Variants in CEPT1 observed in about 807,000 individuals in gnomAD.
CEPT1 encodes choline/ethanolaminephosphotransferase 1.
CEPT1 carries 7 observed loss-of-function variants against 42.6 expected under a neutral mutation model. The observed-to-expected ratio is 0.16, with a 90% CI of 0.09 to 0.31. The LOEUF (loss-of-function observed/expected upper bound fraction) is 0.31. CEPT1 is among the 10% of genes least tolerant of loss of function. CEPT1 has a pLI of 1.00. For missense variants in CEPT1, 306 were observed against 502.1 expected (o/e 0.61, Z 3.73); for synonymous variants, 171 against 171.9 (o/e 0.99, Z 0.04).
At chr1:111,158,324 A>C (rs1655680945) in intron 2 of CEPT1, among the ~76,000 whole-genome samples, 2 of 152,314 alleles carry the variant, frequency 1.3e-5, no homozygotes, top group South Asian at 2.1e-4. Flanking sequence ...CTGCACTCCC[A>C]GCCTGGGTGA....
intron 2 of CEPT1, among the ~76,000 whole-genome samples, chr1:111,150,606 A>G (rs1008979687): frequency 1.3e-5 from 2 of 152,146 alleles, no homozygotes; most frequent in African/African-American, 4.8e-5. Flanking sequence ...CTACATGTAT[A>G]GTATTACGAA....
At chr1:111,183,366 T>C (rs991376949) in intron 7 of CEPT1, 96 bp from the exon 8 acceptor site, 1 of 1,356,700 alleles carries the variant, frequency 7.4e-7, no homozygotes, top group African/African-American at 1.5e-5. Flanking sequence ...TCCTAAATAA[T>C]TATTGGAAGT....
chr1:111,151,224 A>C (rs983043115), intron 2 of CEPT1, among the ~76,000 whole-genome samples: 5 of 150,960 alleles, frequency 3.3e-5, no homozygotes, highest in African/African-American at 1.2e-4. Flanking sequence ...TCCCTGGTTC[A>C]AGCGATTTCT....
intron 3 of CEPT1, chr1:111,160,408 C>T (rs1479888171): frequency 1.3e-5 from 2 of 152,144 alleles, no homozygotes; most frequent in East Asian, 3.9e-4. Context: ...AACAAAAACC[C>T]CTTATAGTTT....
At chr1:111,175,057 G>A in intron 5 of CEPT1, 94 bp downstream of exon 5, 2 of 804,256 alleles carry the variant, frequency 2.5e-6, no homozygotes, top group Non-Finnish European at 4.3e-6. Context: ...GGTAATGTGT[G>A]AAATTCTTTT....
chr1:111,143,572 G>A (rs1016950786), intron 1 of CEPT1: 3 of 152,070 alleles, frequency 2.0e-5, no homozygotes, highest in Non-Finnish European at 4.4e-5. Flanking sequence ...TAACTGTTAA[G>A]ACTGGTGGCT....
chr1:111,151,186 G>A lies in CEPT1; in HGVS notation c.339+3133G>A, dbSNP rs533780006. ...TGTTGCCAGGCTGGAGTGCAGTGGCGCAGTCTCGGTTCACTGCAACCTCCA... is the reference window on the plus strand; with the variant it reads ...TGTTGCCAGGCTGGAGTGCAGTGGCACAGTCTCGGTTCACTGCAACCTCCA... On this transcript the variant is annotated intron_variant, in intron 2 of 8. Coordinates refer to ENST00000357172, the MANE Select transcript of CEPT1 (RefSeq NM_006090.5). 9.5e-4 allele frequency among the ~76,000 whole-genome samples: 143 copies of A among 150,698 alleles called. 1 individual carries two copies. The highest frequency in any genetic ancestry group is 8.6e-4 in the Non-Finnish European group (58 of 67,734).
At chr1:111,167,603 T>G (rs1387759301) in intron 4 of CEPT1, 1 of 977,112 alleles carries the variant, frequency 1.0e-6, no homozygotes, top group Non-Finnish European at 1.2e-6. Context: ...GTAGGAAAGA[T>G]TCTGCTTATT....
rs765078858 is a variant in CEPT1, at chr1:111,183,445, T to C, written c.1006-17T>C. 5 of 1,612,086 alleles carry C rather than the reference T, an allele frequency of 3.1e-6. No individual in the cohort carries two copies. In the African/African-American group the frequency reaches 4.0e-5, roughly 13 times the overall value. ...TCCTCTTATGAAAATGCCTACGTTA[T>C]TCTGTTTTATTCATAGGTTGCACAC... is the stretch of plus-strand genomic sequence containing the variant. On this transcript the variant is annotated splice_polypyrimidine_tract_variant and intron_variant, in intron 7 of 8. Coordinates refer to ENST00000357172, the MANE Select transcript of CEPT1 (RefSeq NM_006090.5).
chr1:111,145,770 A>C (rs1210794340), intron 1 of CEPT1, among the ~76,000 whole-genome samples: 1 of 152,182 alleles, frequency 6.6e-6, no homozygotes, highest in Non-Finnish European at 1.5e-5. Context: ...ACCATGTTGC[A>C]GTCTACCACA....
At chr1:111,168,854 A>C (rs1479434949) in intron 4 of CEPT1, among the ~76,000 whole-genome samples, 1 of 152,104 alleles carries the variant, frequency 6.6e-6, no homozygotes, top group Admixed American at 6.5e-5. Flanking sequence ...CTTTTTTCAA[A>C]ATAACCTTGG....
intron 4 of CEPT1, chr1:111,167,299 C>T (rs1182154783): frequency 1.0e-6 from 1 of 981,520 alleles, no homozygotes; most frequent in Admixed American, 6.2e-5. Flanking sequence ...CAAAAGTCTT[C>T]CTGTTGGTAT....
At chr1:111,178,937 C>T (rs956715096) in intron 5 of CEPT1, 1 of 152,164 alleles carries the variant, frequency 6.6e-6, no homozygotes, top group Non-Finnish European at 1.5e-5. Context: ...TTTGTAGACA[C>T]TGTAATTATG....
chr1:111,167,035 T>G, intron 4 of CEPT1: 1 of 684,912 alleles, frequency 1.5e-6, no homozygotes, highest in Non-Finnish European at 1.8e-6. Context: ...TTTTGTTACC[T>G]GTGTTAGTAG....
At chr1:111,181,219 T>TG (rs1557942937) in intron 5 of CEPT1, 1 of 152,130 alleles carries the variant, frequency 6.6e-6, no homozygotes, top group South Asian at 2.1e-4. Flanking sequence ...ATTAAACCAC[T>TG]GGGGGCTTTT....
Position 111,147,822 on chromosome 1 carries a change from T to G in CEPT1, c.108T>G (p.Phe36Leu), listed in dbSNP as rs1655054806. 2 of 1,614,088 alleles carry G rather than the reference T, an allele frequency of 1.2e-6. No homozygotes were observed. The highest frequency in any genetic ancestry group is 1.7e-6 in the Non-Finnish European group (2 of 1,180,020). Reference protein sequence around the residue: ...STTGCVLNKLFQLPTPPLSRH... With the variant: ...STTGCVLNKLLQLPTPPLSRH... ...CAGGATGTGTATTAAATAAATTGTT[T>G]CAGTTACCAACACCACCATTGTCAA... Residue 36 changes from phenylalanine (F) to leucine (L), a missense_variant, in exon 2 of 9, where the codon TTT becomes TTG. Transcript: ENST00000357172.
At chr1:111,167,368 C>T (rs1433193890) in intron 4 of CEPT1, 2 of 945,348 alleles carry the variant, frequency 2.1e-6, no homozygotes, top group African/African-American at 3.6e-5. Context: ...AAAAATCCAC[C>T]CTATTAAATA....
At chr1:111,182,746 G>T (rs1177190599) in intron 6 of CEPT1, 53 bp from the exon 7 acceptor site, 2 of 1,444,824 alleles carry the variant, frequency 1.4e-6, no homozygotes, top group Admixed American at 2.1e-5. Context: ...GCAGATCCAT[G>T]TAGTATCTGA....
intron 5 of CEPT1, among the ~76,000 whole-genome samples, 179 bp downstream of exon 5, chr1:111,175,142 G>A (rs960145176): frequency 1.3e-5 from 2 of 152,238 alleles, no homozygotes; most frequent in South Asian, 2.1e-4. Flanking sequence ...TATGTAGAAC[G>A]TTAGGACTAT....
Sources: allele counts gnomAD v4.1 joint callset (sites outside exome capture counted in the v4.1 genomes callset), GRCh38; gene constraint gnomAD v4.1.1; transcripts MANE v1.5; gene names NCBI Gene and HGNC (gene_info 2026-07-23, HGNC 2026-07-21).